Variants in RNF24 observed in about 807,000 individuals in gnomAD.
The protein encoded by RNF24 is ring finger protein 24.
RNF24 carries 14 observed loss-of-function variants against 20.0 expected under a neutral mutation model. The ratio of observed to expected loss-of-function variants is 0.70; its 90% CI spans 0.46 to 1.10. The LOEUF (loss-of-function observed/expected upper bound fraction) is 1.10, where lower values mean the gene tolerates loss of function less well. RNF24 is among the 50% of genes least tolerant of loss of function. The pLI is 0.00. For missense variants in RNF24, 124 were observed against 177.6 expected, an observed-to-expected ratio of 0.70 and a Z score of 1.71; for synonymous variants, 45 against 61.1, an observed-to-expected ratio of 0.74 and a Z score of 1.23.
At chr20:3,976,358 T>TA (rs1978867876) in intron 1 of RNF24, among the ~76,000 whole-genome samples, 1 of 152,146 alleles carries the variant, frequency 6.6e-6, no homozygotes, top group African/African-American at 2.4e-5. Context: ...ATTGCTAAAA[T>TA]AAAAAATTGT....
chr20:3,927,344 G>A lies in RNF24; in HGVS notation c.*6719C>T, dbSNP rs1031073915. ...AATTTGCTTTTATTTACACGTTTGA[G>A]TCAATTACATGCATGTTTTATTTTT... On this transcript the variant is annotated 3_prime_UTR_variant, in exon 6 of 6. Transcript: ENST00000358395. The A allele has an allele frequency of 1.3e-5, 2 of 152,158 alleles. No homozygotes were observed. The highest frequency in any genetic ancestry group is 4.8e-5 in the African/African-American group (2 of 41,420). The allele number at this position is 152,158 out of a possible 1,614,324, so 9.4% of individuals were successfully genotyped here.
chr20:4,013,932 T>TA (rs1331722586), intron 1 of RNF24, among the ~76,000 whole-genome samples: 3 of 152,240 alleles, frequency 2.0e-5, no homozygotes, highest in African/African-American at 7.2e-5. Flanking sequence ...TCATTTGTTT[T>TA]AAAACCAAAA....
chr20:3,935,134 T>C, intron 4 of RNF24, 61 bp from the exon 5 acceptor site: 2 of 1,414,018 alleles, frequency 1.4e-6, no homozygotes, highest in Non-Finnish European at 2.0e-6. Flanking sequence ...AGGTACAAAG[T>C]AGAGTGCAGG....
intron 2 of RNF24, among the ~76,000 whole-genome samples, chr20:3,961,397 GAA>G (rs376815191): frequency 1.6e-5 from 2 of 123,038 alleles, no homozygotes; most frequent in Non-Finnish European, 1.7e-5. Context: ...ACACTATCTT[GAA>G]AAAAAAAAAA....
At chr20:3,956,025 G>T (rs11908158) in intron 2 of RNF24, among the ~76,000 whole-genome samples, 20,722 of 151,742 alleles carry the variant, frequency 0.14, 1,638 homozygotes, top group Non-Finnish European at 0.18. Context: ...AGTTTTTTTT[G>T]TGTGTGTGTG....
At chr20:3,937,219 A>T (rs1396332551) in intron 4 of RNF24, among the ~76,000 whole-genome samples, 1 of 152,182 alleles carries the variant, frequency 6.6e-6, no homozygotes, top group East Asian at 1.9e-4. Flanking sequence ...ACCTGAGAAA[A>T]AACAAGACAA....
rs139487806 is a variant in RNF24 at position 3,958,785 on chromosome 20, G to T, written c.143+5090C>A. ...GCCTCCTGAGTAGCTGGGATTACAG[G>T]CATGTGACACCACGCCTGGTTAATT... On this transcript the variant is annotated intron_variant, in intron 2 of 5. Coordinates refer to ENST00000358395, the MANE Select transcript of RNF24 (RefSeq NM_001134337.3). Among the ~76,000 whole-genome samples the T allele has an allele frequency of 9.0e-3, 1,366 of 152,310 alleles. 21 individuals are homozygous for T. The highest frequency in any genetic ancestry group is 0.031 in the African/African-American group (1,292 of 41,572).
intron 1 of RNF24, among the ~76,000 whole-genome samples, chr20:4,013,781 G>A (rs1982655295): frequency 6.6e-6 from 1 of 152,110 alleles, no homozygotes; most frequent in South Asian, 2.1e-4. Flanking sequence ...CACCGCACCC[G>A]ACCCATAATA....
At chr20:3,961,543 G>C (rs2091202134) in intron 2 of RNF24, among the ~76,000 whole-genome samples, 1 of 152,040 alleles carries the variant, frequency 6.6e-6, no homozygotes. Context: ...ACTTTGCCCA[G>C]AATCACAAAT....
At position 3,942,665 on chromosome 20, in the gene RNF24, G is replaced by C. The variant is rs951440492; in HGVS notation, c.228+2512C>G. ...TTTTTTTGTATTTTTAGTAGAGACG[G>C]GGTTTCACCATGTTAGCCAGGATGG... On this transcript the variant is annotated intron_variant, in intron 4 of 5. Coordinates refer to ENST00000358395, the MANE Select transcript of RNF24 (RefSeq NM_001134337.3). Among the ~76,000 whole-genome samples, 11 of 152,172 alleles carry C rather than the reference G, an allele frequency of 7.2e-5. No homozygotes were observed. The Middle Eastern group carries it at 0.01, about 141-fold the overall frequency.
chr20:3,935,155 C>T, intron 4 of RNF24, 82 bp from the exon 5 acceptor site: 1 of 1,110,036 alleles, frequency 9.0e-7, no homozygotes, highest in South Asian at 1.3e-5. Flanking sequence ...CTCCTAAAGG[C>T]TCAACCGTTT....
intron 4 of RNF24, among the ~76,000 whole-genome samples, chr20:3,941,252 G>T (rs746866201): frequency 6.6e-6 from 1 of 152,100 alleles, no homozygotes; most frequent in Non-Finnish European, 1.5e-5. Flanking sequence ...CGATCTTCTG[G>T]ACTCCAGGCA....
At chr20:3,938,436 G>A (rs241618) in intron 4 of RNF24, among the ~76,000 whole-genome samples, 151,655 of 152,328 alleles carry the variant, frequency 1, 75,491 homozygotes, top group Middle Eastern at 1. Context: ...GACACACGCA[G>A]CCTAAGCAGA....
intron 1 of RNF24, among the ~76,000 whole-genome samples, chr20:3,997,709 A>G (rs1377151790): frequency 6.6e-6 from 1 of 152,190 alleles, no homozygotes; most frequent in Non-Finnish European, 1.5e-5. Context: ...TACGGATGTA[A>G]GCCACTGCAC....
intron 1 of RNF24, among the ~76,000 whole-genome samples, chr20:4,009,442 T>C (rs1982254445): frequency 1.3e-5 from 2 of 151,702 alleles, no homozygotes; most frequent in African/African-American, 4.8e-5. Flanking sequence ...GGGCATGAGG[T>C]ATAGAAGATG....
At chr20:3,980,731 G>T (rs1018699146) in intron 1 of RNF24, among the ~76,000 whole-genome samples, 1 of 152,120 alleles carries the variant, frequency 6.6e-6, no homozygotes, top group South Asian at 2.1e-4. Context: ...TAAACTCAAG[G>T]CCTCTGGACT....
At chr20:3,991,017 G>C (rs1407358317) in intron 1 of RNF24, among the ~76,000 whole-genome samples, 2 of 152,036 alleles carry the variant, frequency 1.3e-5, no homozygotes, top group African/African-American at 4.8e-5. Context: ...AGAGAAGCTA[G>C]CTTTGTATTT....
chr20:3,930,207 T>G lies in RNF24; in HGVS notation c.*3856A>C, dbSNP rs2090802472. On this transcript the variant is annotated 3_prime_UTR_variant, in exon 6 of 6. Coordinates refer to ENST00000358395, the MANE Select transcript of RNF24 (RefSeq NM_001134337.3). ...TGAACCACATGAATGGATTACCTAT[T>G]CAAAACATTAAGAAAGAAATATTCA... 1 of 152,182 alleles carries G rather than the reference T, an allele frequency of 6.6e-6. No individual in the cohort carries two copies. Among genetic ancestry groups the G allele is most frequent in the Non-Finnish European group, 1.5e-5 (1 of 68,042 alleles). The allele number at this position is 152,182 out of a possible 1,614,324, so 9.4% of individuals were successfully genotyped here.
At chr20:3,984,102 C>T (rs576206699) in intron 1 of RNF24, among the ~76,000 whole-genome samples, 4 of 151,750 alleles carry the variant, frequency 2.6e-5, no homozygotes, top group Non-Finnish European at 4.4e-5. Context: ...AGGTGGGGTA[C>T]ACCTGTAGTC....
Sources: gnomAD v4.1 joint callset for allele counts (sites outside exome capture counted in the v4.1 genomes callset) on GRCh38, gnomAD v4.1.1 for gene constraint, MANE v1.5 for transcripts, NCBI Gene and HGNC (gene_info 2026-07-23, HGNC 2026-07-21) for gene names.